Variants in TF observed in about 807,000 individuals in gnomAD.
The protein encoded by TF is serotransferrin.
In TF, 55 loss-of-function variants were observed where a neutral mutation model predicts 82.4. That is an observed-to-expected ratio of 0.67 (90% confidence interval 0.54 to 0.84). The LOEUF is 0.84. TF is among the 40% of genes least tolerant of loss of function. TF has a pLI of 0.00. For synonymous variants in TF, 332 were observed against 332.6 expected (o/e 1.00, Z 0.02); for missense variants, 737 against 868.4 (o/e 0.85, Z 1.90).
At chr3:133,694,273 C>T in the TF span, 3 of 152,870 alleles carry the variant, frequency 2.0e-5, no homozygotes, top group Non-Finnish European at 4.4e-5. Flanking sequence ...AAGAATTTCC[C>T]TCGCCTGTGT....
At chr3:133,759,079 A>T (rs2107918892) in intron 8 of TF, 96 bp from the exon 9 acceptor site, 1 of 1,509,782 alleles carries the variant, frequency 6.6e-7, no homozygotes. Flanking sequence ...ATTGCTGGCA[A>T]ATCCCAGCAT....
At chr3:133,684,777 G>A in the TF span, among the ~76,000 whole-genome samples, 28,731 of 152,036 alleles carry the variant, frequency 0.19, 2,948 homozygotes, top group African/African-American at 0.25. Context: ...CCAGAGGTAC[G>A]AAGAGGAGCT....
the TF span, among the ~76,000 whole-genome samples, chr3:133,674,433 A>T: frequency 6.6e-6 from 1 of 152,176 alleles, no homozygotes; most frequent in Non-Finnish European, 1.5e-5. Flanking sequence ...CTCCGGTCCC[A>T]CGGAGGGCAC....
At chr3:133,723,705 C>A in the TF span, among the ~76,000 whole-genome samples, 1 of 149,376 alleles carries the variant, frequency 6.7e-6, no homozygotes, top group African/African-American at 2.5e-5. Context: ...TGTGCACAAT[C>A]TGCAGGTTAG....
rs1474268532 is a variant in TF at position 133,766,420 on chromosome 3, C to T, written c.1473C>T (p.Asn491=). The T allele has an allele frequency of 6.2e-7, 1 of 1,614,062 alleles. No individual in the cohort carries two copies. Among genetic ancestry groups the T allele is most frequent in the Non-Finnish European group, 8.5e-7 (1 of 1,180,018 alleles). Residue 491 remains asparagine, a synonymous_variant, in exon 12 of 17, where the codon AAC becomes AAT. Transcript: ENST00000402696. ...TGGGCCTGCTCTACAATAAGATCAA[C>T]CACTGCAGATTTGGTGAGTGAATAT... is the stretch of plus-strand genomic sequence containing the variant. ...IPMGLLYNKI[N]HCRFDEFFSE...
In TF at chr3:133,748,510, G is replaced by A. The variant is rs144636315; in HGVS notation, c.142G>A (p.Val48Ile). 39 of 1,614,108 alleles carry A rather than the reference G, an allele frequency of 2.4e-5. No individual in the cohort carries two copies. Among genetic ancestry groups the A allele is most frequent in the Middle Eastern group, 3.3e-4 (2 of 6,062 alleles). Residue 48 changes from valine to isoleucine, a missense_variant, in exon 2 of 17, where the codon GTC becomes ATC. Coordinates refer to ENST00000402696, the MANE Select transcript of TF (RefSeq NM_001063.4). ...CQSFRDHMKS[V>I]IPSDGPSVAC... ...GAGTTTCCGCGACCATATGAAAAGCGTCATTCCATCCGATGGTCCCAGTGT... is the reference window on the plus strand; with the variant it reads ...GAGTTTCCGCGACCATATGAAAAGCATCATTCCATCCGATGGTCCCAGTGT...
Position 133,777,102 on chromosome 3 carries a change from G to T in TF, c.1926G>T (p.Arg642=), listed in dbSNP as rs752523601. The T allele has an allele frequency of 1.4e-5, 23 of 1,614,140 alleles. No homozygotes were observed. The South Asian group carries it at 1.9e-4, about 13-fold the overall frequency. ...TDCSGNFCLF[R]SETKDLLFRD... is the part of the protein sequence containing the mutation. Reference sequence around the variant, plus strand: ...GCTCGGGCAACTTTTGTTTGTTCCGGTCGGAAACCAAGGACCTTCTGTTCA... The same window carrying T: ...GCTCGGGCAACTTTTGTTTGTTCCGTTCGGAAACCAAGGACCTTCTGTTCA... The change falls in exon 16 of 17, where the codon CGG becomes CGT. Residue 642 remains arginine, a synonymous_variant. Transcript: ENST00000402696.
At chr3:133,770,328 C>A (rs1168186312) in intron 13 of TF, among the ~76,000 whole-genome samples, 180 bp from the exon 14 acceptor site, 1 of 152,208 alleles carries the variant, frequency 6.6e-6, no homozygotes, top group African/African-American at 2.4e-5. Flanking sequence ...TGTAAAACTA[C>A]AATCAATTCA....
chr3:133,769,869 T>C (rs1280468033), intron 13 of TF, among the ~76,000 whole-genome samples: 2 of 152,210 alleles, frequency 1.3e-5, no homozygotes, highest in Non-Finnish European at 2.9e-5. Flanking sequence ...TTTATTTTGT[T>C]ATTATTTCTT....
the TF span, among the ~76,000 whole-genome samples, chr3:133,729,256 C>G: frequency 6.6e-6 from 1 of 152,224 alleles, no homozygotes; most frequent in South Asian, 2.1e-4. Flanking sequence ...GCCCTGCCCC[C>G]AGAGATGGAG....
chr3:133,762,158 CTA>C, intron 9 of TF: 1 of 216,720 alleles, frequency 4.6e-6, no homozygotes, highest in Non-Finnish European at 1.0e-5. Flanking sequence ...AGGCAGGAGA[CTA>C]TGTTTCCCTT....
chr3:133,778,352 C>T (rs562417530), intron 16 of TF: 30 of 434,306 alleles, frequency 6.9e-5, no homozygotes, highest in Middle Eastern at 6.4e-4. Context: ...AGGTGGAGGA[C>T]CCTGTAGGGC....
the TF span, among the ~76,000 whole-genome samples, chr3:133,715,025 C>T: frequency 6.6e-6 from 1 of 152,198 alleles, no homozygotes; most frequent in Admixed American, 6.5e-5. Flanking sequence ...TCCTGGCTGA[C>T]CTGTGATCTA....
At chr3:133,774,711 ATTAG>A (rs1449468651) in intron 14 of TF, 1 of 200,860 alleles carries the variant, frequency 5.0e-6, no homozygotes, top group Non-Finnish European at 1.0e-5. Context: ...GATCTCATGT[ATTAG>A]TTATTCGGTT....
chr3:133,750,703 A>C (rs1004463714), intron 2 of TF, among the ~76,000 whole-genome samples: 3 of 152,158 alleles, frequency 2.0e-5, no homozygotes, highest in African/African-American at 7.2e-5. Flanking sequence ...TGGCAAAGAA[A>C]GACCAGGTTC....
the TF span, among the ~76,000 whole-genome samples, chr3:133,680,422 T>G: frequency 6.6e-6 from 1 of 152,170 alleles, no homozygotes; most frequent in East Asian, 1.9e-4. Context: ...CAGGCTGGTC[T>G]CAGACTCCCT....
chr3:133,754,601 C>G lies in TF; in HGVS notation c.432C>G (p.Ser144=). The G allele has an allele frequency of 1.2e-6, 2 of 1,614,176 alleles. No homozygotes were observed. The highest frequency in any genetic ancestry group is 1.7e-6 in the Non-Finnish European group (2 of 1,180,036). ...CCTGCCACACGGGTCTAGGCAGGTC[C>G]GCTGGGTGGAACATCCCCATAGGCT... ...KKSCHTGLGR[S]AGWNIPIGLL... Residue 144 remains serine, a synonymous_variant, in exon 4 of 17, where the codon TCC becomes TCG. Transcript: ENST00000402696.
the TF span, among the ~76,000 whole-genome samples, chr3:133,669,423 C>T: frequency 2.0e-5 from 3 of 152,320 alleles, no homozygotes; most frequent in Admixed American, 6.5e-5. Flanking sequence ...ACATGTGCTC[C>T]CCTTTCATAG....
chr3:133,776,471 T>G (rs1934394296), intron 15 of TF, among the ~76,000 whole-genome samples: 1 of 152,200 alleles, frequency 6.6e-6, no homozygotes, highest in South Asian at 2.1e-4. Flanking sequence ...TGAAGTCCTT[T>G]TAAGGTACAT....
Sources: gnomAD v4.1 joint callset for allele counts (sites outside exome capture counted in the v4.1 genomes callset) on GRCh38, gnomAD v4.1.1 for gene constraint, MANE v1.5 for transcripts, NCBI Gene and HGNC (gene_info 2026-07-23, HGNC 2026-07-21) for gene names.